CDKN2B-AS1: variants seen among roughly 807,000 people sequenced by gnomAD.
The protein encoded by CDKN2B-AS1 is CDKN2B antisense RNA 1 (non-protein coding).
chr9:22,114,765 C>T (rs1048669722), intron 4 of CDKN2B-AS1, among the ~76,000 whole-genome samples: 1 of 152,182 alleles, frequency 6.6e-6, no homozygotes, highest in Non-Finnish European at 1.5e-5. Flanking sequence ...CTTGCAATAG[C>T]TGTCATAATT....
chr9:22,065,773 G>T (rs890892067), intron 4 of CDKN2B-AS1: 2 of 152,158 alleles, frequency 1.3e-5, no homozygotes, highest in African/African-American at 4.8e-5. Context: ...CTATTAAGAG[G>T]TGCACACATT....
At chr9:22,089,934 G>A (rs972899749) in intron 4 of CDKN2B-AS1, among the ~76,000 whole-genome samples, 10 of 151,492 alleles carry the variant, frequency 6.6e-5, no homozygotes, top group Non-Finnish European at 1.0e-4. Flanking sequence ...CCAGTAACTC[G>A]TCATTTAATA....
chr9:22,020,627 T>TC (rs1425106070), intron 1 of CDKN2B-AS1, among the ~76,000 whole-genome samples: 2 of 152,210 alleles, frequency 1.3e-5, no homozygotes, highest in Non-Finnish European at 2.9e-5. Context: ...TTTCTAATGA[T>TC]CAGTGATGTT....
Position 22,006,261 on chromosome 9 carries a change from C to A in CDKN2B-AS1, n.29+11100C>A, listed in dbSNP as rs1554662057. 6.2e-7 allele frequency: 1 copy of A among 1,602,018 alleles called. No individual in the cohort carries two copies. The highest frequency in any genetic ancestry group is 1.1e-5 in the South Asian group (1 of 91,068). On this transcript the variant is annotated intron_variant and non_coding_transcript_variant, in intron 1 of 4. Transcript: ENST00000650946. This position sits in a 1 kb window ranked among gnomAD's most constrained non-coding sequence, Gnocchi z 6.4. ...CATCATCATGACCTGCCAGAGAGAG[C>A]AGAGTGGTCAGAGCCAGGGTGGGGG...
intron 1 of CDKN2B-AS1, among the ~76,000 whole-genome samples, chr9:22,035,975 G>C (rs907583301): frequency 1.3e-5 from 2 of 152,048 alleles, no homozygotes; most frequent in Non-Finnish European, 2.9e-5. Context: ...CAGATGTAAG[G>C]GCTACAGTTA....
At chr9:22,033,236 C>T (rs933335456) in intron 1 of CDKN2B-AS1, among the ~76,000 whole-genome samples, 1 of 152,148 alleles carries the variant, frequency 6.6e-6, no homozygotes, top group Non-Finnish European at 1.5e-5. Flanking sequence ...TGGGGACCAC[C>T]GCTGCACTAC....
intron 1 of CDKN2B-AS1, chr9:22,002,924 A>T (rs1335075466): frequency 1.1e-5 from 2 of 187,602 alleles, no homozygotes; most frequent in Non-Finnish European, 2.2e-5. Context: ...TTATAAATTT[A>T]TTTAACTTTC....
chr9:22,025,807 A>G (rs776094510), intron 1 of CDKN2B-AS1, among the ~76,000 whole-genome samples: 57 of 152,182 alleles, frequency 3.7e-4, no homozygotes, highest in Non-Finnish European at 6.5e-4. Flanking sequence ...GAGGAATAGG[A>G]TCAGGGACCT....
intron 1 of CDKN2B-AS1, among the ~76,000 whole-genome samples, chr9:22,013,751 G>A (rs763139428): frequency 6.6e-6 from 1 of 152,208 alleles, no homozygotes; most frequent in Admixed American, 6.5e-5. Context: ...TGCACCTGGC[G>A]TCTTGTTTCC....
At chr9:22,023,448 TG>T (rs1053647406) in intron 1 of CDKN2B-AS1, among the ~76,000 whole-genome samples, 3 of 152,070 alleles carry the variant, frequency 2.0e-5, no homozygotes, top group African/African-American at 7.2e-5. Flanking sequence ...TATGAAATTT[TG>T]GGGGTTGGGA....
At chr9:22,104,362 A>C (rs1825586597) in intron 4 of CDKN2B-AS1, among the ~76,000 whole-genome samples, 1 of 152,234 alleles carries the variant, frequency 6.6e-6, no homozygotes. Context: ...CTTTTCTTAC[A>C]ATCCTGCCAT....
At chr9:22,081,984 C>G (rs1382770660) in intron 4 of CDKN2B-AS1, among the ~76,000 whole-genome samples, 2 of 152,196 alleles carry the variant, frequency 1.3e-5, no homozygotes, top group Non-Finnish European at 2.9e-5. Context: ...CCACCATGCA[C>G]CTTTCTGAAA....
chr9:22,086,151 G>T (rs1273367401), intron 4 of CDKN2B-AS1, among the ~76,000 whole-genome samples: 1 of 152,102 alleles, frequency 6.6e-6, no homozygotes. Context: ...CAATGTGGTA[G>T]AGTTATTATT....
In CDKN2B-AS1 at chr9:22,012,458, C is replaced by T. The variant is rs7032979; in HGVS notation, n.29+17297C>T. ...GATGATCTGCCATAAGCGCTATGCT[C>T]TCCTGCACCCCTATGCTGTCAATTG... On this transcript the variant is annotated intron_variant and non_coding_transcript_variant, in intron 1 of 4. Coordinates refer to ENST00000650946, the Ensembl canonical transcript of CDKN2B-AS1. 13,280 of 706,290 alleles carry T rather than the reference C, an allele frequency of 0.019. 1,178 individuals carry two copies. In the African/African-American group the frequency reaches 0.2, roughly 11 times the overall value. The allele number at this position is 706,290 out of a possible 1,614,324, so 43.8% of individuals were successfully genotyped here.
At chr9:22,093,203 G>A (rs1825157029) in intron 4 of CDKN2B-AS1, among the ~76,000 whole-genome samples, 1 of 145,382 alleles carries the variant, frequency 6.9e-6, no homozygotes, top group Non-Finnish European at 1.5e-5. Flanking sequence ...TATAATTTCT[G>A]TTCTTTTACA....
chr9:22,008,442 G>A (rs1821301252), intron 1 of CDKN2B-AS1, among the ~76,000 whole-genome samples: 1 of 152,074 alleles, frequency 6.6e-6, no homozygotes, highest in African/African-American at 2.4e-5. Flanking sequence ...TCTAGAATGC[G>A]TAACTTATAC....
intron 4 of CDKN2B-AS1, among the ~76,000 whole-genome samples, chr9:22,057,733 C>T (rs1029924447): frequency 2.6e-4 from 39 of 149,246 alleles, no homozygotes; most frequent in Admixed American, 8.0e-4. Flanking sequence ...CTTGAGCCTG[C>T]GAGGTGGAGG....
intron 4 of CDKN2B-AS1, among the ~76,000 whole-genome samples, chr9:22,083,461 A>G (rs926706401): frequency 1.3e-5 from 2 of 152,232 alleles, no homozygotes; most frequent in East Asian, 3.9e-4. Context: ...AAGGTATACT[A>G]CAACAGTGGC....
intron 4 of CDKN2B-AS1, among the ~76,000 whole-genome samples, chr9:22,068,587 G>T (rs1824161314): frequency 6.6e-6 from 1 of 152,132 alleles, no homozygotes; most frequent in South Asian, 2.1e-4. Flanking sequence ...GTTACTCGTA[G>T]GAGGCCTCTA....
Sources: allele counts gnomAD v4.1 joint callset (sites outside exome capture counted in the v4.1 genomes callset), GRCh38; gene constraint gnomAD v4.1.1; non-coding constraint Gnocchi (gnomAD v3.1); transcripts MANE v1.5; gene names NCBI Gene and HGNC (gene_info 2026-07-23, HGNC 2026-07-21).